Variants in KIAA1671 observed in about 807,000 individuals in gnomAD.
KIAA1671 encodes uncharacterized protein KIAA1671.
In KIAA1671, 52 loss-of-function variants were observed where a neutral mutation model predicts 131.2. The observed-to-expected ratio is 0.40, with a 90% confidence interval of 0.32 to 0.50. KIAA1671 has a LOEUF of 0.50. Ranked by LOEUF, KIAA1671 falls within the 20% of genes least tolerant of loss-of-function variation. KIAA1671 has a pLI of 0.73. For missense variants in KIAA1671, 2,360 were observed against 2,364.2 expected (o/e 1.00, Z 0.04); for synonymous variants, 1,003 against 961.6 (o/e 1.04, Z -0.80).
chr22:25,175,440 A>C (rs1182139996), intron 8 of KIAA1671: 2 of 152,226 alleles, frequency 1.3e-5, no homozygotes, highest in African/African-American at 2.4e-5. Context: ...TATATGGCCA[A>C]GGTCTCTCGC....
At chr22:25,048,119 T>C (rs922922704) in intron 5 of KIAA1671, among the ~76,000 whole-genome samples, 1 of 152,120 alleles carries the variant, frequency 6.6e-6, no homozygotes, top group Non-Finnish European at 1.5e-5. Context: ...CCTCCCCAGC[T>C]GGGGGATGGA....
intron 6 of KIAA1671, chr22:25,060,201 G>A (rs1928085028): frequency 6.6e-6 from 1 of 152,122 alleles, no homozygotes; most frequent in Admixed American, 6.5e-5. Flanking sequence ...TATTTATTTT[G>A]AGATGGACTC....
intron 10 of KIAA1671, among the ~76,000 whole-genome samples, chr22:25,183,365 G>A (rs1934355241): frequency 6.6e-6 from 1 of 151,738 alleles, no homozygotes; most frequent in South Asian, 2.1e-4. Context: ...GATTTTACAG[G>A]CCCTTACAGT....
At chr22:25,063,058 G>A (rs1928259280) in intron 6 of KIAA1671, 1 of 152,020 alleles carries the variant, frequency 6.6e-6, no homozygotes, top group Non-Finnish European at 1.5e-5. Context: ...TACCAGAGAA[G>A]AGGGTCTTGA....
chr22:25,036,429 C>T (rs2145799869), intron 4 of KIAA1671, among the ~76,000 whole-genome samples: 1 of 152,142 alleles, frequency 6.6e-6, no homozygotes, highest in South Asian at 2.1e-4. Flanking sequence ...TAAAATATAT[C>T]ATTTTAACTA....
chr22:25,028,214 CGAA>C lies in KIAA1671; in HGVS notation c.217_219del (p.Lys73del). 6.4e-7 allele frequency: 1 copy of C among 1,551,258 alleles called. No individual in the cohort carries two copies. The highest frequency in any genetic ancestry group is 2.4e-5 in the East Asian group (1 of 40,906). On this transcript the variant is annotated inframe_deletion, in exon 3 of 13. Coordinates refer to ENST00000358431, the MANE Select transcript of KIAA1671 (RefSeq NM_001145206.2). The stretch of plus-strand genomic sequence containing the variant: ...CCAAGGCTCGCCCCCAAACCCTTCT[CGAA>C]GGAGCAGGACGTGAAATCTCCTGTC...
intron 1 of KIAA1671, among the ~76,000 whole-genome samples, chr22:24,959,098 T>A (rs28874653): frequency 6.6e-6 from 1 of 151,946 alleles, no homozygotes; most frequent in East Asian, 1.9e-4. Context: ...AGGAGTTCGA[T>A]GCTGCAGTGA....
intron 1 of KIAA1671, among the ~76,000 whole-genome samples, chr22:25,006,659 C>T (rs1924766859): frequency 6.6e-6 from 1 of 152,212 alleles, no homozygotes; most frequent in Non-Finnish European, 1.5e-5. Flanking sequence ...AAATTTCTTA[C>T]TTCACAGTTC....
chr22:24,955,918 G>A (rs1921667710), intron 1 of KIAA1671, among the ~76,000 whole-genome samples: 1 of 151,958 alleles, frequency 6.6e-6, no homozygotes, highest in Non-Finnish European at 1.5e-5. Flanking sequence ...CTGGCTACTT[G>A]GGAGGCTGAG....
At position 25,041,135 on chromosome 22, in the gene KIAA1671, A is replaced by G; in HGVS notation, c.4005A>G (p.Lys1335=). ...ATGACAGAAAGGCCTTTGCCAGTAA[A>G]CATCATGTTGCAAAGTGTCAGAATT... The part of the protein sequence containing the change: ...AEDDRKAFAS[K]HHVAKCQNYL... Residue 1335 remains lysine, a synonymous_variant, in exon 5 of 13, where the codon AAA becomes AAG. Transcript: ENST00000358431. The G allele has an allele frequency of 1.3e-6, 2 of 1,550,848 alleles. No homozygotes were observed. Among genetic ancestry groups the G allele is most frequent in the Non-Finnish European group, 1.7e-6 (2 of 1,146,444 alleles).
At chr22:25,024,829 G>C (rs1925847627) in intron 1 of KIAA1671, among the ~76,000 whole-genome samples, 1 of 152,144 alleles carries the variant, frequency 6.6e-6, no homozygotes, top group Non-Finnish European at 1.5e-5. Context: ...GGGAGAGGCT[G>C]ATGTGAAGGA....
intron 4 of KIAA1671, among the ~76,000 whole-genome samples, chr22:25,036,406 A>T (rs1926599094): frequency 1.3e-5 from 2 of 152,196 alleles, no homozygotes; most frequent in Non-Finnish European, 2.9e-5. Context: ...AAAGAAAAAA[A>T]GTACACATAA....
intron 6 of KIAA1671, among the ~76,000 whole-genome samples, chr22:25,138,013 C>T (rs779853040): frequency 2.9e-4 from 44 of 152,220 alleles, no homozygotes; most frequent in Admixed American, 2.5e-3. Flanking sequence ...TGTACAATGA[C>T]TCATTTTTCT....
At chr22:25,175,752 C>A (rs1280839810) in intron 8 of KIAA1671, 1 of 152,184 alleles carries the variant, frequency 6.6e-6, no homozygotes, top group Non-Finnish European at 1.5e-5. Context: ...TGTTAATAAC[C>A]CCAGAGGCAA....
Position 25,195,913 on chromosome 22 carries a change from G to A in KIAA1671, c.*3512G>A, listed in dbSNP as rs1934812162. 6.6e-6 allele frequency: 1 copy of A among 152,128 alleles called. No homozygotes were observed. Among genetic ancestry groups the A allele is most frequent in the Non-Finnish European group, 1.5e-5 (1 of 68,046 alleles). 9.4% of individuals were successfully genotyped at this position (152,128 alleles called of 1,614,324 possible). ...TAAAACACAAAAGCCGAAGTTCCATGGCATCATGATTCCGAGGGGCTGGAG... is the reference window on the plus strand; with the variant it reads ...TAAAACACAAAAGCCGAAGTTCCATAGCATCATGATTCCGAGGGGCTGGAG... On this transcript the variant is annotated 3_prime_UTR_variant, in exon 13 of 13. Transcript: ENST00000358431.
At chr22:25,115,404 T>G (rs1160514245) in intron 6 of KIAA1671, among the ~76,000 whole-genome samples, 1 of 152,204 alleles carries the variant, frequency 6.6e-6, no homozygotes, top group African/African-American at 2.4e-5. Context: ...ACTCACCACG[T>G]GCAAACTGAG....
intron 6 of KIAA1671, among the ~76,000 whole-genome samples, chr22:25,084,542 T>G (rs981841061): frequency 4.0e-5 from 6 of 151,778 alleles, no homozygotes; most frequent in Non-Finnish European, 8.8e-5. Context: ...CTGCAGGGTG[T>G]GCAGGGCAGG....
intron 1 of KIAA1671, among the ~76,000 whole-genome samples, chr22:24,957,961 C>T (rs1380069474): frequency 1.5e-5 from 2 of 135,074 alleles, no homozygotes; most frequent in African/African-American, 3.1e-5. Flanking sequence ...TACAGGCACC[C>T]GGCCTTTTTT....
chr22:25,028,142 T>G lies in KIAA1671; in HGVS notation c.143T>G (p.Leu48Trp), dbSNP rs1926054018. Residue 48 changes from leucine to tryptophan, a missense_variant, in exon 3 of 13, where the codon TTG becomes TGG. Transcript: ENST00000358431. ...EASGAPPARI[L>W]EAKSPLRSPA... ...TCTGGGGCTCCCCCAGCCCGGATCT[T>G]GGAAGCGAAGAGCCCCCTGCGGAGC... 1 of 1,551,030 alleles carries G rather than the reference T, an allele frequency of 6.4e-7. No homozygotes were observed. Among genetic ancestry groups the G allele is most frequent in the South Asian group, 1.2e-5 (1 of 84,010 alleles).
Sources: gnomAD v4.1 joint callset for allele counts (sites outside exome capture counted in the v4.1 genomes callset) on GRCh38, gnomAD v4.1.1 for gene constraint, MANE v1.5 for transcripts, NCBI Gene and HGNC (gene_info 2026-07-23, HGNC 2026-07-21) for gene names.